F13A1: variants seen among roughly 807,000 people sequenced by gnomAD.
F13A1 encodes the protein coagulation factor XIII A chain, also known as FSF, A subunit.
F13A1 carries 47 observed loss-of-function variants against 80.1 expected under a neutral mutation model. The observed-to-expected ratio is 0.59, with a 90% CI of 0.46 to 0.75. F13A1 has a LOEUF of 0.75. F13A1 is among the 30% of genes least tolerant of loss of function. The probability of loss-of-function intolerance (pLI) is 0.00; values close to 1 mark genes in which losing one functional copy is unlikely to be tolerated. For synonymous variants in F13A1, 349 were observed against 344.9 expected (o/e 1.01, Z -0.13); for missense variants, 817 against 930.4 (o/e 0.88, Z 1.59).
chr6:6,254,210 G>C (rs1757674492), intron 4 of F13A1, among the ~76,000 whole-genome samples: 1 of 151,676 alleles, frequency 6.6e-6, no homozygotes. Flanking sequence ...TATGGCTGTA[G>C]TGTAAAATAC....
chr6:6,298,319 C>T (rs555076689), intron 3 of F13A1, among the ~76,000 whole-genome samples: 1,971 of 148,162 alleles, frequency 0.013, 56 homozygotes, highest in African/African-American at 0.047. Flanking sequence ...CTTTCTGTCT[C>T]GTTGATCTGT....
chr6:6,267,422 C>G (rs984300736), intron 3 of F13A1, among the ~76,000 whole-genome samples: 1 of 152,224 alleles, frequency 6.6e-6, no homozygotes, highest in Non-Finnish European at 1.5e-5. Flanking sequence ...CTCCATAAAC[C>G]CACCTGCATA....
At chr6:6,273,957 G>C (rs1200072408) in intron 3 of F13A1, among the ~76,000 whole-genome samples, 2 of 152,208 alleles carry the variant, frequency 1.3e-5, no homozygotes, top group African/African-American at 4.8e-5. Context: ...GCAACTAAGA[G>C]GAGAGAAACA....
chr6:6,145,692 CT>C lies in F13A1; in HGVS notation c.2125del (p.Ser709AlafsTer2). 1 of 1,614,166 alleles carries C rather than the reference CT, an allele frequency of 6.2e-7. No homozygotes were observed. The highest frequency in any genetic ancestry group is 8.5e-7 in the Non-Finnish European group (1 of 1,180,022). On this transcript the variant is annotated frameshift_variant, in exon 15 of 15. Transcript: ENST00000264870. LOFTEE classifies it high-confidence loss of function. Reference sequence around the variant, plus strand: ...ATGTCTCAGGGAGTCACTGCTCATGCTGGCTATCAGCTTCCGATGCCCAGAG... The same window carrying C: ...ATGTCTCAGGGAGTCACTGCTCATGCGGCTATCAGCTTCCGATGCCCAGAG... ...WVSGHRKLIA[S>X]MSSDSLRHVY... is the part of the protein sequence containing the mutation.
intron 4 of F13A1, among the ~76,000 whole-genome samples, chr6:6,262,396 T>C (rs184405185): frequency 1.3e-5 from 2 of 152,376 alleles, no homozygotes; most frequent in South Asian, 2.1e-4. Flanking sequence ...ACATTGAAAT[T>C]GAAGGTGACG....
At chr6:6,204,605 T>C (rs1561653630) in intron 8 of F13A1, among the ~76,000 whole-genome samples, 2 of 151,972 alleles carry the variant, frequency 1.3e-5, no homozygotes, top group African/African-American at 4.8e-5. Flanking sequence ...GGGGATAGGA[T>C]GGGGTGGGAG....
chr6:6,253,102 T>G (rs1466186290), intron 4 of F13A1, among the ~76,000 whole-genome samples: 2 of 125,904 alleles, frequency 1.6e-5, no homozygotes, highest in East Asian at 2.3e-4. Context: ...GAGATAGCAC[T>G]ACTGCACTCC....
chr6:6,204,695 G>A (rs888003930), intron 8 of F13A1, among the ~76,000 whole-genome samples: 3 of 152,190 alleles, frequency 2.0e-5, no homozygotes, highest in East Asian at 1.9e-4. Context: ...ATGAAAGCCT[G>A]GACTTAGAAA....
At chr6:6,205,100 A>G (rs964881080) in intron 8 of F13A1, among the ~76,000 whole-genome samples, 2 of 152,258 alleles carry the variant, frequency 1.3e-5, no homozygotes, top group Admixed American at 6.5e-5. Context: ...ATGCTGTTGT[A>G]GGAATCAACT....
intron 3 of F13A1, among the ~76,000 whole-genome samples, chr6:6,289,385 A>G (rs1174435503): frequency 6.6e-6 from 1 of 152,120 alleles, no homozygotes. Flanking sequence ...TCCTCAGACC[A>G]CAGTGTGTTA....
intron 3 of F13A1, among the ~76,000 whole-genome samples, chr6:6,301,309 T>C (rs980859608): frequency 2.0e-5 from 3 of 152,204 alleles, no homozygotes; most frequent in Admixed American, 6.5e-5. Flanking sequence ...TCCTCTACCA[T>C]GGGTCCTTCC....
At chr6:6,183,196 A>G (rs1761019380) in intron 10 of F13A1, among the ~76,000 whole-genome samples, 1 of 152,198 alleles carries the variant, frequency 6.6e-6, no homozygotes, top group African/African-American at 2.4e-5. Context: ...TGTATTTACT[A>G]AATGTTTCCC....
At chr6:6,197,794 C>A (rs1324796140) in intron 8 of F13A1, among the ~76,000 whole-genome samples, 1 of 152,144 alleles carries the variant, frequency 6.6e-6, no homozygotes, top group Non-Finnish European at 1.5e-5. Flanking sequence ...CTTGGGTTTT[C>A]TGGGCAGATT....
At chr6:6,160,621 G>A (rs1760557226) in intron 13 of F13A1, among the ~76,000 whole-genome samples, 1 of 152,144 alleles carries the variant, frequency 6.6e-6, no homozygotes, top group South Asian at 2.1e-4. Context: ...ACAGGTGTGA[G>A]CCACTGCACC....
intron 8 of F13A1, among the ~76,000 whole-genome samples, chr6:6,209,258 G>T (rs771366974): frequency 6.1e-5 from 9 of 147,648 alleles, no homozygotes; most frequent in Non-Finnish European, 1.3e-4. Flanking sequence ...GGTCATTAGA[G>T]AAATGAAAAT....
intron 13 of F13A1, among the ~76,000 whole-genome samples, chr6:6,165,476 C>T (rs1760655073): frequency 6.6e-6 from 1 of 152,212 alleles, no homozygotes; most frequent in Admixed American, 6.5e-5. Flanking sequence ...CACTTCACAG[C>T]TTGGGAAGCC....
At chr6:6,273,257 C>T (rs976950228) in intron 3 of F13A1, among the ~76,000 whole-genome samples, 2 of 152,134 alleles carry the variant, frequency 1.3e-5, no homozygotes, top group African/African-American at 4.8e-5. Flanking sequence ...CTGTATAGCT[C>T]CCATAGAATG....
chr6:6,182,095 T>A lies in F13A1; in HGVS notation c.1352A>T (p.His451Leu). 1 of 1,614,228 alleles carries A rather than the reference T, an allele frequency of 6.2e-7. No individual in the cohort carries two copies. Among genetic ancestry groups the A allele is most frequent in the East Asian group, 2.2e-5 (1 of 44,886 alleles). The change falls in exon 11 of 15, where the codon CAT (histidine) becomes CTT (leucine). Residue 451 changes from histidine (H) to leucine (L), a missense_variant. Coordinates refer to ENST00000264870, the MANE Select transcript of F13A1 (RefSeq NM_000129.4). ...GGTGGCATCCACATTTTCCACCACATGAGTGCCATCTTTCTTAGCTGTAAT... is the reference window on the plus strand; with the variant it reads ...GGTGGCATCCACATTTTCCACCACAAGAGTGCCATCTTTCTTAGCTGTAAT... The part of the protein sequence containing the change: ...IYITAKKDGT[H>L]VVENVDATHI...
chr6:6,211,649 G>A (rs1460300337), intron 8 of F13A1, among the ~76,000 whole-genome samples: 1 of 152,230 alleles, frequency 6.6e-6, no homozygotes, highest in Non-Finnish European at 1.5e-5. Flanking sequence ...ATAATGTATA[G>A]AAGTGACAAT....
Sources: gnomAD v4.1 joint callset for allele counts (sites outside exome capture counted in the v4.1 genomes callset) on GRCh38, gnomAD v4.1.1 for gene constraint, MANE v1.5 for transcripts, NCBI Gene and HGNC (gene_info 2026-07-23, HGNC 2026-07-21) for gene names.